The following ATRNL1 variants were observed in gnomAD, a reference collection of about 807,000 sequenced individuals.
The protein encoded by ATRNL1 is attractin-like protein 1.
In ATRNL1, 95 loss-of-function variants were observed where a neutral mutation model predicts 182.7. That is an observed-to-expected ratio of 0.52 (90% CI 0.44 to 0.62). ATRNL1 has a LOEUF of 0.62. ATRNL1 is among the 20% of genes least tolerant of loss of function. ATRNL1 has a pLI of 0.00. For synonymous variants in ATRNL1, 576 were observed against 568.3 expected, an observed-to-expected ratio of 1.01 and a Z score of -0.19; for missense variants, 1,471 against 1,679.5, an observed-to-expected ratio of 0.88 and a Z score of 2.17.
chr10:115,215,626 A>G (rs782684158), intron 8 of ATRNL1, 71 bp from the exon 9 acceptor site: 20 of 1,162,062 alleles, frequency 1.7e-5, no homozygotes, highest in African/African-American at 3.2e-5. Flanking sequence ...ACTTGTTGGT[A>G]TTTTGGTGAT....
intron 26 of ATRNL1, among the ~76,000 whole-genome samples, chr10:115,641,687 A>C (rs1466020663): frequency 1.3e-5 from 2 of 152,128 alleles, no homozygotes; most frequent in African/African-American, 2.4e-5. Flanking sequence ...CAACATGCTT[A>C]TTTAAACCTT....
At chr10:115,350,142 C>A (rs782387995) in intron 19 of ATRNL1, among the ~76,000 whole-genome samples, 4 of 151,722 alleles carry the variant, frequency 2.6e-5, no homozygotes, top group Non-Finnish European at 5.9e-5. Context: ...TTGAGACCAT[C>A]CTGGCCAACA....
At chr10:115,661,165 G>T (rs1397467990) in intron 26 of ATRNL1, among the ~76,000 whole-genome samples, 1 of 151,986 alleles carries the variant, frequency 6.6e-6, no homozygotes, top group Non-Finnish European at 1.5e-5. Flanking sequence ...AGGAATAATA[G>T]CTTGCTAAAA....
chr10:115,569,556 C>T (rs1231372968), intron 26 of ATRNL1, among the ~76,000 whole-genome samples: 6 of 152,144 alleles, frequency 3.9e-5, no homozygotes, highest in African/African-American at 9.7e-5. Flanking sequence ...CTGATTTGCA[C>T]ATCTTGAAGA....
chr10:115,440,925 C>A (rs570597306), intron 21 of ATRNL1, among the ~76,000 whole-genome samples: 2 of 152,012 alleles, frequency 1.3e-5, no homozygotes, highest in East Asian at 3.9e-4. Flanking sequence ...AAACCTTTAT[C>A]TGCACCAGCT....
chr10:115,109,291 G>A (rs75596112), intron 1 of ATRNL1, among the ~76,000 whole-genome samples: 1,734 of 152,172 alleles, frequency 0.011, 29 homozygotes, highest in African/African-American at 0.039. Context: ...GTTTTGTGCT[G>A]CTATAACAGA....
At chr10:115,546,512 G>A (rs538654985) in intron 25 of ATRNL1, among the ~76,000 whole-genome samples, 1 of 151,792 alleles carries the variant, frequency 6.6e-6, no homozygotes, top group South Asian at 2.1e-4. Flanking sequence ...GCTGCAGTGA[G>A]GCTGAGATCA....
intron 24 of ATRNL1, among the ~76,000 whole-genome samples, chr10:115,478,804 G>A (rs1166025967): frequency 1.3e-5 from 2 of 151,550 alleles, no homozygotes; most frequent in East Asian, 3.9e-4. Flanking sequence ...TGAAATAATA[G>A]TATTATAGTT....
chr10:115,442,319 G>A (rs1381140358), intron 21 of ATRNL1, among the ~76,000 whole-genome samples: 2 of 108,092 alleles, frequency 1.9e-5, no homozygotes, highest in African/African-American at 3.8e-5. Flanking sequence ...GTATGTGTGT[G>A]TGTAAACAAT....
intron 1 of ATRNL1, among the ~76,000 whole-genome samples, chr10:115,115,150 A>G (rs1211481930): frequency 7.2e-5 from 11 of 152,128 alleles, no homozygotes; most frequent in Non-Finnish European, 5.9e-5. Context: ...ATATCACCTG[A>G]TCTCACTTAC....
chr10:115,208,018 A>G (rs1373937400), intron 8 of ATRNL1, among the ~76,000 whole-genome samples: 3 of 151,842 alleles, frequency 2.0e-5, no homozygotes, highest in Non-Finnish European at 2.9e-5. Flanking sequence ...AGGTTTTTCA[A>G]TCTTTTTCAT....
intron 19 of ATRNL1, among the ~76,000 whole-genome samples, chr10:115,351,210 C>T (rs1856233603): frequency 6.6e-6 from 1 of 152,156 alleles, no homozygotes; most frequent in South Asian, 2.1e-4. Flanking sequence ...ATTTTACTTT[C>T]TCCTTTCCTG....
intron 27 of ATRNL1, among the ~76,000 whole-genome samples, chr10:115,737,079 G>T (rs1398161561): frequency 6.6e-6 from 1 of 151,880 alleles, no homozygotes; most frequent in African/African-American, 2.4e-5. Context: ...AGTTTTATCT[G>T]GTTGCCTTGG....
intron 13 of ATRNL1, among the ~76,000 whole-genome samples, chr10:115,277,885 A>C (rs967039650): frequency 2.0e-5 from 3 of 152,182 alleles, no homozygotes; most frequent in African/African-American, 7.2e-5. Flanking sequence ...ACAAAATAAA[A>C]CTTTTGCAGA....
chr10:115,241,536 T>G, intron 9 of ATRNL1, 35 bp from the exon 10 acceptor site: 3 of 1,477,488 alleles, frequency 2.0e-6, no homozygotes, highest in Non-Finnish European at 1.9e-6. Context: ...GGTCATTTTA[T>G]CCTTTGTAAT....
At chr10:115,324,621 C>T (rs980601839) in intron 18 of ATRNL1, among the ~76,000 whole-genome samples, 8 of 152,132 alleles carry the variant, frequency 5.3e-5, no homozygotes, top group Non-Finnish European at 8.8e-5. Context: ...TTTAAGTTCC[C>T]ACAAGTTATG....
chr10:115,359,632 G>A (rs909322839), intron 19 of ATRNL1, among the ~76,000 whole-genome samples: 31 of 151,424 alleles, frequency 2.0e-4, no homozygotes, highest in Non-Finnish European at 4.0e-4. Flanking sequence ...GAGCAATAAT[G>A]CAATATTTTA....
intron 28 of ATRNL1, among the ~76,000 whole-genome samples, chr10:115,905,680 A>C (rs1468667010): frequency 6.6e-6 from 1 of 152,148 alleles, no homozygotes; most frequent in Non-Finnish European, 1.5e-5. Context: ...ATCCGTGTAA[A>C]TGGTCAACTC....
chr10:115,602,309 A>G (rs556582522), intron 26 of ATRNL1, among the ~76,000 whole-genome samples: 91 of 152,262 alleles, frequency 6.0e-4, no homozygotes, highest in African/African-American at 2.1e-3. Flanking sequence ...AGCCGAGATC[A>G]TGCCACTTCA....
Sources: gnomAD v4.1 joint callset for allele counts (sites outside exome capture counted in the v4.1 genomes callset) on GRCh38, gnomAD v4.1.1 for gene constraint, MANE v1.5 for transcripts, NCBI Gene and HGNC (gene_info 2026-07-23, HGNC 2026-07-21) for gene names.